The following COMTD1 variants were observed in gnomAD, a reference collection of about 807,000 sequenced individuals.
The protein encoded by COMTD1 is catechol O-methyltransferase domain-containing protein 1.
Under a neutral mutation model 33.6 loss-of-function variants are expected in COMTD1, and 35 were observed. That is an observed-to-expected ratio of 1.04 (90% CI 0.80 to 1.38). The LOEUF (loss-of-function observed/expected upper bound fraction) is 1.38. Among genes scored for constraint, COMTD1 ranks in the 40% most tolerant of loss-of-function variants. COMTD1 has a pLI of 0.00. For synonymous variants in COMTD1, 160 were observed against 176.8 expected (o/e 0.91, Z 0.75); for missense variants, 370 against 363.4 (o/e 1.02, Z -0.15).
chr10:75,235,797 G>GGGGGGCCCCCCCCCCCCCCC, intron 1 of COMTD1, 38 bp downstream of exon 1: 1 of 1,538,656 alleles, frequency 6.5e-7, no homozygotes. Context: ...CCTACTCTGC[G>GGGGGGCCCCCCCCCCCCCCC]CCCGCCCACC....
At chr10:75,235,513 C>T in intron 2 of COMTD1, 103 bp downstream of exon 2, 2 of 1,406,864 alleles carry the variant, frequency 1.4e-6, no homozygotes, top group Non-Finnish European at 1.9e-6. Context: ...CCCAGGGAAG[C>T]CGGAAGCCCA....
intron 2 of COMTD1, 85 bp from the exon 3 acceptor site, chr10:75,235,457 G>A: frequency 7.4e-7 from 1 of 1,349,450 alleles, no homozygotes; most frequent in Non-Finnish European, 9.8e-7. Context: ...CGCGGTTCTG[G>A]GCGTGGCCTG....
intron 6 of COMTD1, 25 bp from the exon 7 acceptor site, chr10:75,234,250 G>A (rs762009931): frequency 1.3e-6 from 2 of 1,595,498 alleles, no homozygotes; most frequent in African/African-American, 2.7e-5. Context: ...GGCCAACCGG[G>A]CCGTGGGAGG....
At position 75,234,009 on chromosome 10, in the gene COMTD1, C is replaced by T. The variant is rs767745851; in HGVS notation, c.*64G>A. On this transcript the variant is annotated 3_prime_UTR_variant, in exon 7 of 7. Coordinates refer to ENST00000372538, the MANE Select transcript of COMTD1 (RefSeq NM_144589.4). ...CCCCACTTTATTTTCGAATTTAAAA[C>T]TCAGGGTCAATTCCTGGGGTTCCCA... The T allele has an allele frequency of 9.3e-6, 15 of 1,612,160 alleles. No individual in the cohort carries two copies. Among genetic ancestry groups the T allele is most frequent in the Middle Eastern group, 3.3e-4 (2 of 6,082 alleles).
At chr10:75,235,584 G>C in intron 2 of COMTD1, 32 bp downstream of exon 2, 1 of 1,558,762 alleles carries the variant, frequency 6.4e-7, no homozygotes, top group African/African-American at 1.4e-5. Context: ...GGGTCGAGAG[G>C]GACGCCCGTT....
Position 75,235,363 on chromosome 10 carries a change from C to G in COMTD1, c.232G>C (p.Glu78Gln). 6.4e-7 allele frequency: 1 copy of G among 1,570,472 alleles called. No homozygotes were observed. The highest frequency in any genetic ancestry group is 8.6e-7 in the Non-Finnish European group (1 of 1,161,372). Residue 78 changes from glutamate (E) to glutamine (Q), a missense_variant, in exon 3 of 7, where the codon GAG becomes CAG. Physicochemically the swap from Glu to Gln is conservative, Grantham distance 29 (BLOSUM62 2). Coordinates refer to ENST00000372538, the MANE Select transcript of COMTD1 (RefSeq NM_144589.4). Reference sequence around the variant, plus strand: ...ATCATAGAATCCCCCTGCGGCTGCTCCAGGGTCAGCTGCGTGAAAGGAGAG... The same window carrying G: ...ATCATAGAATCCCCCTGCGGCTGCTGCAGGGTCAGCTGCGTGAAAGGAGAG... ...ALRSLRLLTL[E>Q]QPQGDSMMTC...
At chr10:75,234,347 G>A in intron 6 of COMTD1, 122 bp from the exon 7 acceptor site, 8 of 1,141,042 alleles carry the variant, frequency 7.0e-6, no homozygotes, top group Non-Finnish European at 9.7e-6. Flanking sequence ...GGAGGGAGGT[G>A]CCCAGACGGA....
chr10:75,235,692 G>C lies in COMTD1; in HGVS notation c.146C>G (p.Pro49Arg), dbSNP rs534512374. ...ATACTGCCACAGGCGGCTGTCCTCG[G>C]GGGGAAGCAGGCACTGCTCTCGCCG... ...RGRREQCLLPPEDSRLWQYLL... is the reference protein window; with the variant it reads ...RGRREQCLLPREDSRLWQYLL... The change falls in exon 2 of 7, where the codon CCC becomes CGC. Residue 49 changes from proline to arginine, a missense_variant. By Grantham distance (103) the Pro-to-Arg change is moderately radical. Transcript: ENST00000372538. The C allele has an allele frequency of 1.3e-4, 200 of 1,597,670 alleles. 3 individuals are homozygous for C. The South Asian group carries it at 2.1e-3, about 17-fold the overall frequency.
chr10:75,234,135 C>T lies in COMTD1; in HGVS notation c.727G>A (p.Val243Ile). 1 of 1,613,882 alleles carries T rather than the reference C, an allele frequency of 6.2e-7. No homozygotes were observed. Among genetic ancestry groups the T allele is most frequent in the Non-Finnish European group, 8.5e-7 (1 of 1,180,042 alleles). The change falls in exon 7 of 7, where the codon GTC becomes ATC. Residue 243 changes from valine to isoleucine, a missense_variant. By Grantham distance (29) the Val-to-Ile change is conservative (BLOSUM62 3). Coordinates refer to ENST00000372538, the MANE Select transcript of COMTD1 (RefSeq NM_144589.4). ...RNLNERIRRD[V>I]RVYISLLPLG... ...GGCAGGAGGCTGATGTAGACCCTGACGTCCCGCCGGATGCGTTCGTTTAGG... is the reference window on the plus strand; with the variant it reads ...GGCAGGAGGCTGATGTAGACCCTGATGTCCCGCCGGATGCGTTCGTTTAGG...
At chr10:75,235,424 C>T (rs2132294231) in intron 2 of COMTD1, 52 bp from the exon 3 acceptor site, 6 of 1,408,618 alleles carry the variant, frequency 4.3e-6, no homozygotes, top group South Asian at 1.4e-5. Flanking sequence ...CACCTTCGCC[C>T]TGGGGGTCCC....
Position 75,235,666 on chromosome 10 carries a change from G to A in COMTD1, c.172C>T (p.Leu58Phe), listed in dbSNP as rs768671235. The change falls in exon 2 of 7, where the codon CTT becomes TTT. Residue 58 changes from leucine (L) to phenylalanine (F), a missense_variant. Transcript: ENST00000372538. Reference sequence around the variant, plus strand: ...TGCTCCCGCATGGAGCGGCTCAGAAGATACTGCCACAGGCGGCTGTCCTCG... The same window carrying A: ...TGCTCCCGCATGGAGCGGCTCAGAAAATACTGCCACAGGCGGCTGTCCTCG... ...PPEDSRLWQYLLSRSMREHPA... is the reference protein window; with the variant it reads ...PPEDSRLWQYFLSRSMREHPA... 6.3e-7 allele frequency: 1 copy of A among 1,598,826 alleles called. No homozygotes were observed. The highest frequency in any genetic ancestry group is 8.5e-7 in the Non-Finnish European group (1 of 1,174,334).
chr10:75,235,204 A>T, intron 3 of COMTD1, 26 bp from the exon 4 acceptor site: 1 of 1,446,162 alleles, frequency 6.9e-7, no homozygotes, highest in South Asian at 1.4e-5. Context: ...AGACGGGCTC[A>T]GCCCAGAGTG....
chr10:75,235,822 A>T lies in COMTD1; in HGVS notation c.94+13T>A. The T allele has an allele frequency of 1.1e-6, 1 of 905,952 alleles. No individual in the cohort carries two copies. The highest frequency in any genetic ancestry group is 1.6e-6 in the Non-Finnish European group (1 of 635,930). 56.1% of individuals were successfully genotyped at this position (905,952 alleles called of 1,614,324 possible). A position where few individuals can be genotyped will look rare whatever the true frequency, so the allele number is the denominator to read the frequency against. On this transcript the variant is annotated intron_variant, in intron 1 of 6. Coordinates refer to ENST00000372538, the MANE Select transcript of COMTD1 (RefSeq NM_144589.4). ...GCCCGCCCACCCGCCCGCCGGGACC[A>T]GGTCCTGCTCACCCAGGAAGAGGCC...
At chr10:75,235,582 A>T in intron 2 of COMTD1, 34 bp downstream of exon 2, 1 of 1,556,318 alleles carries the variant, frequency 6.4e-7, no homozygotes, top group Non-Finnish European at 8.7e-7. Context: ...AGGGGTCGAG[A>T]GGGACGCCCG....
In COMTD1 at chr10:75,233,941, A is replaced by C; in HGVS notation, c.*132T>G. 13 of 1,555,330 alleles carry C rather than the reference A, an allele frequency of 8.4e-6. No homozygotes were observed. The highest frequency in any genetic ancestry group is 1.1e-5 in the Non-Finnish European group (13 of 1,156,192). On this transcript the variant is annotated 3_prime_UTR_variant, in exon 7 of 7. Coordinates refer to ENST00000372538, the MANE Select transcript of COMTD1 (RefSeq NM_144589.4). ...GTGCTGGGCCTTCCCTCCCTTCCCCATCCAGCGCCACACACGGAGGCTCAG... is the reference window on the plus strand; with the variant it reads ...GTGCTGGGCCTTCCCTCCCTTCCCCCTCCAGCGCCACACACGGAGGCTCAG...
In COMTD1 at chr10:75,235,659, C is replaced by T; in HGVS notation, c.179G>A (p.Ser60Asn). The T allele has an allele frequency of 6.3e-7, 1 of 1,598,226 alleles. No homozygotes were observed. The highest frequency in any genetic ancestry group is 8.5e-7 in the Non-Finnish European group (1 of 1,173,996). ...EDSRLWQYLL[S>N]RSMREHPALR... is the part of the protein sequence containing the mutation. ...CGCCGGGTGCTCCCGCATGGAGCGGCTCAGAAGATACTGCCACAGGCGGCT... is the reference window on the plus strand; with the variant it reads ...CGCCGGGTGCTCCCGCATGGAGCGGTTCAGAAGATACTGCCACAGGCGGCT... Residue 60 changes from serine to asparagine, a missense_variant, in exon 2 of 7, where the codon AGC becomes AAC. Transcript: ENST00000372538.
chr10:75,235,797 G>GGGGGCCCCCC, intron 1 of COMTD1, 38 bp downstream of exon 1: 7 of 1,538,632 alleles, frequency 4.5e-6, no homozygotes, highest in Non-Finnish European at 6.1e-6. Flanking sequence ...CCTACTCTGC[G>GGGGGCCCCCC]CCCGCCCACC....
At chr10:75,234,515 C>T (rs1352754674) in intron 6 of COMTD1, 95 bp downstream of exon 6, 10 of 1,462,164 alleles carry the variant, frequency 6.8e-6, no homozygotes, top group Non-Finnish European at 9.1e-6. Flanking sequence ...CGTGACTGGA[C>T]TGGGTGGGGC....
chr10:75,234,863 C>T, intron 5 of COMTD1, 75 bp downstream of exon 5: 1 of 1,531,524 alleles, frequency 6.5e-7, no homozygotes, highest in Non-Finnish European at 8.8e-7. Context: ...CCCGGCAGGC[C>T]CAGTCACAGC....
Sources: gnomAD v4.1 joint callset for allele counts on GRCh38, gnomAD v4.1.1 for gene constraint, MANE v1.5 for transcripts, NCBI Gene and HGNC (gene_info 2026-07-23, HGNC 2026-07-21) for gene names.